PARD3B: variants seen among roughly 807,000 people sequenced by gnomAD.
PARD3B encodes the protein par-3 family cell polarity regulator beta, also known as partitioning defective 3 homolog B.
PARD3B carries 103 observed loss-of-function variants against 130.2 expected under a neutral mutation model. The observed-to-expected ratio is 0.79, with a 90% CI of 0.67 to 0.93. The LOEUF is 0.93. Among genes scored for constraint, PARD3B ranks in the 40% least tolerant of loss-of-function variants. The pLI, the probability that PARD3B is intolerant of heterozygous loss-of-function variation, is 0.00. For missense variants in PARD3B, 1,609 were observed against 1,499.2 expected, an observed-to-expected ratio of 1.07 and a Z score of -1.21; for synonymous variants, 583 against 553.2, an observed-to-expected ratio of 1.05 and a Z score of -0.76.
intron 15 of PARD3B, among the ~76,000 whole-genome samples, chr2:205,215,455 C>T (rs2037859411): frequency 6.6e-6 from 1 of 151,788 alleles, no homozygotes; most frequent in South Asian, 2.1e-4. Context: ...GATTAACATC[C>T]TTAACATATG....
chr2:204,998,945 T>C (rs184148649), intron 3 of PARD3B, among the ~76,000 whole-genome samples: 1 of 152,248 alleles, frequency 6.6e-6, no homozygotes, highest in African/African-American at 2.4e-5. Flanking sequence ...ATCTCCTGAC[T>C]TCGTGATCCA....
intron 2 of PARD3B, among the ~76,000 whole-genome samples, chr2:204,804,684 C>T (rs925953353): frequency 6.6e-6 from 1 of 152,136 alleles, no homozygotes; most frequent in African/African-American, 2.4e-5. Context: ...GTAGAATACA[C>T]TTTTTCCTCA....
At chr2:204,843,699 C>A (rs146015861) in intron 2 of PARD3B, among the ~76,000 whole-genome samples, 83 of 152,136 alleles carry the variant, frequency 5.5e-4, no homozygotes, top group Non-Finnish European at 1.2e-3. Flanking sequence ...CATAATCAAC[C>A]TGCCCAGAGT....
intron 20 of PARD3B, among the ~76,000 whole-genome samples, chr2:205,449,166 C>CAAA (rs757916003): frequency 2.0e-5 from 1 of 50,226 alleles, no homozygotes; most frequent in Non-Finnish European, 4.0e-5. Flanking sequence ...AACTCCATCT[C>CAAA]AAAAAAAAAA....
chr2:205,168,288 G>GGAGGGAGAGA (rs1411772402), intron 11 of PARD3B, among the ~76,000 whole-genome samples: 1 of 126,844 alleles, frequency 7.9e-6, no homozygotes, highest in Non-Finnish European at 1.6e-5. Context: ...GGTGAGAAAG[G>GGAGGGAGAGA]GAGAGAGAGA....
At chr2:205,565,287 A>G (rs2053281102) in intron 22 of PARD3B, among the ~76,000 whole-genome samples, 1 of 152,216 alleles carries the variant, frequency 6.6e-6, no homozygotes, top group Admixed American at 6.5e-5. Flanking sequence ...GGAATTTGCC[A>G]CAGTGAAGTT....
intron 18 of PARD3B, among the ~76,000 whole-genome samples, chr2:205,390,568 T>C (rs1306175973): frequency 8.5e-5 from 13 of 152,274 alleles, no homozygotes; most frequent in Admixed American, 8.5e-4. Flanking sequence ...TAAAGATAAG[T>C]TTTACTCCCA....
At chr2:205,156,403 A>G (rs2034168474) in intron 10 of PARD3B, among the ~76,000 whole-genome samples, 1 of 147,610 alleles carries the variant, frequency 6.8e-6, no homozygotes, top group Non-Finnish European at 1.5e-5. Flanking sequence ...CCTAAAACTT[A>G]AAGTATAATA....
intron 1 of PARD3B, among the ~76,000 whole-genome samples, chr2:204,642,160 A>G (rs1456032574): frequency 6.6e-6 from 1 of 152,336 alleles, no homozygotes; most frequent in East Asian, 1.9e-4. Context: ...AGGAAAAGCT[A>G]TATGGAATTC....
Position 205,124,434 on chromosome 2 carries a change from G to A in PARD3B, c.1273G>A (p.Gly425Ser). 1 of 1,600,292 alleles carries A rather than the reference G, an allele frequency of 6.2e-7. No homozygotes were observed. The highest frequency in any genetic ancestry group is 8.5e-7 in the Non-Finnish European group (1 of 1,172,862). ...ILPKGAAIKD[G>S]RLQSGDRILE... ...ACCAAAGGGAGCAGCAATAAAAGATGGCCGCCTACAATCAGGGGACAGAAT... is the reference window on the plus strand; with the variant it reads ...ACCAAAGGGAGCAGCAATAAAAGATAGCCGCCTACAATCAGGGGACAGAAT... Residue 425 changes from glycine (G) to serine (S), a missense_variant, in exon 9 of 23, where the codon GGC (glycine) becomes AGC (serine). By Grantham distance (56) the Gly-to-Ser change is moderately conservative. Transcript: ENST00000406610.
chr2:205,505,819 C>G (rs2050339746), intron 21 of PARD3B, among the ~76,000 whole-genome samples: 1 of 151,958 alleles, frequency 6.6e-6, no homozygotes, highest in Non-Finnish European at 1.5e-5. Flanking sequence ...ATATTAGTGC[C>G]TTTATTATTG....
intron 20 of PARD3B, among the ~76,000 whole-genome samples, chr2:205,488,613 G>A (rs2049540405): frequency 6.6e-6 from 1 of 152,152 alleles, no homozygotes; most frequent in Non-Finnish European, 1.5e-5. Context: ...AGCATCAGCT[G>A]AAGTAGTTGG....
intron 18 of PARD3B, among the ~76,000 whole-genome samples, chr2:205,372,254 C>T (rs2044850174): frequency 6.6e-6 from 1 of 152,174 alleles, no homozygotes; most frequent in Non-Finnish European, 1.5e-5. Context: ...AAAGTGACTG[C>T]ATGTTTTTAC....
intron 16 of PARD3B, 88 bp downstream of exon 16, chr2:205,245,910 C>A: frequency 9.1e-7 from 1 of 1,099,860 alleles, no homozygotes; most frequent in South Asian, 1.3e-5. Context: ...TTTCTATCCA[C>A]TAGTCACTGA....
At chr2:205,403,107 G>T (rs898811648) in intron 19 of PARD3B, among the ~76,000 whole-genome samples, 3 of 152,094 alleles carry the variant, frequency 2.0e-5, no homozygotes, top group Admixed American at 2.0e-4. Context: ...AAAAAAAATA[G>T]AATAGAGTAA....
At chr2:204,698,541 T>C (rs2037727010) in intron 2 of PARD3B, among the ~76,000 whole-genome samples, 1 of 152,002 alleles carries the variant, frequency 6.6e-6, no homozygotes, top group Non-Finnish European at 1.5e-5. Flanking sequence ...TCCTTGATTG[T>C]TGATTGGGTT....
chr2:204,784,245 C>A (rs1294573959), intron 2 of PARD3B, among the ~76,000 whole-genome samples: 1 of 152,182 alleles, frequency 6.6e-6, no homozygotes, highest in Non-Finnish European at 1.5e-5. Flanking sequence ...TAACTAGTGG[C>A]AACACAGGCC....
At chr2:205,118,538 C>T (rs1194191801) in intron 6 of PARD3B, among the ~76,000 whole-genome samples, 1 of 152,180 alleles carries the variant, frequency 6.6e-6, no homozygotes, top group Non-Finnish European at 1.5e-5. Flanking sequence ...TATCCTAATG[C>T]TCTCCCACTG....
chr2:205,600,238 G>C (rs1228159638), intron 22 of PARD3B, among the ~76,000 whole-genome samples: 1 of 152,204 alleles, frequency 6.6e-6, no homozygotes, highest in Non-Finnish European at 1.5e-5. Flanking sequence ...ACTGGAGCAG[G>C]GATGAGAGAG....
Sources: allele counts gnomAD v4.1 joint callset (sites outside exome capture counted in the v4.1 genomes callset), GRCh38; gene constraint gnomAD v4.1.1; transcripts MANE v1.5; gene names NCBI Gene and HGNC (gene_info 2026-07-23, HGNC 2026-07-21).